Variants in ATP2B2 observed in about 807,000 individuals in gnomAD.
The protein encoded by ATP2B2 is plasma membrane calcium-transporting ATPase 2.
Under a neutral mutation model 120.0 loss-of-function variants are expected in ATP2B2, and 15 were observed. The observed-to-expected ratio is 0.12, with a 90% CI of 0.08 to 0.19. The LOEUF is 0.19. Among genes scored for constraint, ATP2B2 ranks in the 10% least tolerant of loss-of-function variants. The pLI, the probability that ATP2B2 is intolerant of heterozygous loss-of-function variation, is 1.00. For synonymous variants in ATP2B2, 694 were observed against 700.3 expected (o/e 0.99, Z 0.14); for missense variants, 1,045 against 1,719.8 (o/e 0.61, Z 6.94).
At chr3:10,520,511 C>A (rs551821489) in intron 3 of ATP2B2, among the ~76,000 whole-genome samples, 2 of 152,154 alleles carry the variant, frequency 1.3e-5, no homozygotes, top group East Asian at 1.9e-4. Flanking sequence ...CATTCTGTCA[C>A]CCAGGCTGGA....
chr3:10,521,093 G>A (rs978557407), intron 3 of ATP2B2, among the ~76,000 whole-genome samples: 1 of 152,238 alleles, frequency 6.6e-6, no homozygotes, highest in African/African-American at 2.4e-5. Flanking sequence ...CATTGGACAA[G>A]GTTTTGCCTG....
intron 1 of ATP2B2, among the ~76,000 whole-genome samples, chr3:10,632,584 G>T (rs1016601558): frequency 2.0e-5 from 3 of 152,254 alleles, no homozygotes; most frequent in African/African-American, 7.2e-5. Flanking sequence ...GTGGCAAGCT[G>T]GAGTAAACAT....
intron 5 of ATP2B2, among the ~76,000 whole-genome samples, chr3:10,395,699 G>A (rs2062013620): frequency 6.6e-6 from 1 of 152,218 alleles, no homozygotes; most frequent in Admixed American, 6.5e-5. Flanking sequence ...CCCATATGTG[G>A]CTTGACCCAT....
At position 10,504,055 on chromosome 3, in the gene ATP2B2, T is replaced by C. The variant is rs781417724; in HGVS notation, c.-320+1410A>G. 1.7e-3 allele frequency among the ~76,000 whole-genome samples: 261 copies of C among 152,198 alleles called. 2 individuals carry two copies. The highest frequency in any genetic ancestry group is 7.9e-4 in the Admixed American group (12 of 15,282). ...TGACGCACTACTTATGGGTACTATA[T>C]TTGTATCTGTGCATATGTGTGAATT... On this transcript the variant is annotated intron_variant, in intron 1 of 22. Transcript: ENST00000360273.
chr3:10,513,912 G>A (rs1214339499), intron 3 of ATP2B2, among the ~76,000 whole-genome samples: 4 of 152,130 alleles, frequency 2.6e-5, no homozygotes, highest in African/African-American at 7.2e-5. Flanking sequence ...AACCCCCCAG[G>A]GCAGCTGGGT....
chr3:10,655,867 C>T (rs2070609999), intron 1 of ATP2B2, among the ~76,000 whole-genome samples: 1 of 152,220 alleles, frequency 6.6e-6, no homozygotes, highest in Admixed American at 6.5e-5. Flanking sequence ...CTACCCAATT[C>T]AACGTGCCTC....
intron 1 of ATP2B2, among the ~76,000 whole-genome samples, chr3:10,679,247 T>G (rs2071322913): frequency 6.6e-6 from 1 of 152,194 alleles, no homozygotes; most frequent in South Asian, 2.1e-4. Flanking sequence ...TGCATGTATG[T>G]TGTTTTAAGC....
intron 12 of ATP2B2, 86 bp downstream of exon 12, chr3:10,371,722 TG>T: frequency 6.3e-7 from 1 of 1,595,834 alleles, no homozygotes; most frequent in Non-Finnish European, 8.6e-7. Flanking sequence ...TTTGAGACTA[TG>T]AATCACATTG....
At chr3:10,541,082 T>C (rs931996679) in intron 2 of ATP2B2, among the ~76,000 whole-genome samples, 5 of 152,134 alleles carry the variant, frequency 3.3e-5, no homozygotes, top group Non-Finnish European at 7.4e-5. Context: ...ATTGTATTGA[T>C]GTCTGTGGGG....
chr3:10,357,656 A>C (rs142959992), intron 14 of ATP2B2, among the ~76,000 whole-genome samples: 2,420 of 152,272 alleles, frequency 0.016, 37 homozygotes, highest in South Asian at 0.021. Flanking sequence ...CTTACAGCCA[A>C]GGCCAATCTG....
chr3:10,389,729 C>T (rs2061789396), intron 5 of ATP2B2, among the ~76,000 whole-genome samples: 1 of 152,142 alleles, frequency 6.6e-6, no homozygotes, highest in Non-Finnish European at 1.5e-5. Context: ...TTGAACTGTA[C>T]ACTTACAAGT....
At chr3:10,612,447 G>A (rs78414119) in intron 2 of ATP2B2, among the ~76,000 whole-genome samples, 2 of 152,076 alleles carry the variant, frequency 1.3e-5, no homozygotes, top group Admixed American at 1.3e-4. Context: ...GGGGACCCCT[G>A]CGTACTCCCT....
intron 1 of ATP2B2, among the ~76,000 whole-genome samples, chr3:10,487,244 A>G (rs895537756): frequency 5.3e-5 from 8 of 152,158 alleles, no homozygotes; most frequent in South Asian, 4.2e-4. Flanking sequence ...GTGTGTGCGC[A>G]CACACACACA....
intron 1 of ATP2B2, among the ~76,000 whole-genome samples, chr3:10,651,629 T>TG (rs1294680204): frequency 6.6e-6 from 1 of 151,820 alleles, no homozygotes; most frequent in Non-Finnish European, 1.5e-5. Context: ...GGTGGATGGA[T>TG]GGGGGGATAT....
chr3:10,330,682 G>A (rs183383361), intron 22 of ATP2B2, among the ~76,000 whole-genome samples: 29 of 152,362 alleles, frequency 1.9e-4, no homozygotes, highest in African/African-American at 6.5e-4. Context: ...GTCGTGGGGA[G>A]GCCCCTGAAG....
In ATP2B2 at chr3:10,357,453, C is replaced by T. The variant is rs576879309; in HGVS notation, c.2136+1238G>A. 4.6e-5 allele frequency among the ~76,000 whole-genome samples: 7 copies of T among 152,248 alleles called. No individual in the cohort carries two copies. In the South Asian group the frequency reaches 1.4e-3, roughly 32 times the overall value. On this transcript the variant is annotated intron_variant, in intron 14 of 22. Coordinates refer to ENST00000360273, the MANE Select transcript of ATP2B2 (RefSeq NM_001001331.4). ...CCTGTGACCTCCTAGTTTCATTTTT[C>T]TTTGGAATGCAGAATCTTATAACAT... is the stretch of plus-strand genomic sequence containing the variant.
upstream of ATP2B2, among the ~76,000 whole-genome samples, chr3:10,510,007 A>C (rs1215826832): frequency 6.6e-6 from 1 of 152,228 alleles, no homozygotes; most frequent in African/African-American, 2.4e-5. Flanking sequence ...ACAGAAGGTG[A>C]GAGTCTCCAG....
intron 12 of ATP2B2, among the ~76,000 whole-genome samples, chr3:10,364,585 C>T (rs956337027): frequency 1.3e-5 from 2 of 151,862 alleles, no homozygotes; most frequent in African/African-American, 4.8e-5. Context: ...GTGGCAGGCC[C>T]CTGTAATCCC....
intron 1 of ATP2B2, among the ~76,000 whole-genome samples, chr3:10,668,105 G>A (rs1015604774): frequency 1.3e-5 from 2 of 152,252 alleles, no homozygotes; most frequent in Non-Finnish European, 2.9e-5. Context: ...ATGGCCTGTG[G>A]CATTGGGGTG....
Sources: gnomAD v4.1 joint callset for allele counts (sites outside exome capture counted in the v4.1 genomes callset) on GRCh38, gnomAD v4.1.1 for gene constraint, MANE v1.5 for transcripts, NCBI Gene and HGNC (gene_info 2026-07-23, HGNC 2026-07-21) for gene names.